The following CHRNA5 variants were observed in gnomAD, a reference collection of about 807,000 sequenced individuals.
CHRNA5 encodes neuronal acetylcholine receptor subunit alpha-5.
A neutral mutation model predicts 41.2 loss-of-function variants in CHRNA5; 28 were observed. The ratio of observed to expected loss-of-function variants is 0.68; its 90% CI spans 0.50 to 0.93. The LOEUF is 0.93. CHRNA5 is among the 40% of genes least tolerant of loss of function. The pLI, the probability that CHRNA5 is intolerant of heterozygous loss-of-function variation, is 0.00. For missense variants in CHRNA5, 481 were observed against 581.9 expected, an observed-to-expected ratio of 0.83 and a Z score of 1.78; for synonymous variants, 188 against 205.8, an observed-to-expected ratio of 0.91 and a Z score of 0.74.
At chr15:78,573,550 C>A (rs976066126) in intron 1 of CHRNA5, among the ~76,000 whole-genome samples, 1 of 152,206 alleles carries the variant, frequency 6.6e-6, no homozygotes, top group Admixed American at 6.5e-5. Flanking sequence ...CAAGATATCA[C>A]GTTAGGCTCT....
In CHRNA5 at chr15:78,583,459, C is replaced by T. The variant is rs190028232; in HGVS notation, c.258+2497C>T. ...CTGTAATCCCAGCACTTTGGGAGGC[C>T]GAGGCAGGTAGATCACAAGGTCAGG... On this transcript the variant is annotated intron_variant, in intron 2 of 5. Transcript: ENST00000299565. 8.0e-4 allele frequency among the ~76,000 whole-genome samples: 122 copies of T among 152,132 alleles called. 1 individual carries two copies. Among genetic ancestry groups the T allele is most frequent in the African/African-American group, 2.7e-3 (111 of 41,508 alleles).
At position 78,568,465 on chromosome 15, in the gene CHRNA5, A is replaced by AT. The variant is rs202037986; in HGVS notation, c.106+2650dup. ...AGCTGTGTGACATTTTATTTTTTTA[A>AT]TTTTTTTTTTAAAATATTACTTTAA... is the stretch of plus-strand genomic sequence containing the variant. On this transcript the variant is annotated intron_variant, in intron 1 of 5. Coordinates refer to ENST00000299565, the Ensembl canonical transcript of CHRNA5. Among the ~76,000 whole-genome samples the AT allele has an allele frequency of 2.0e-4, 26 of 127,550 alleles. No homozygotes were observed. The East Asian group carries it at 3.6e-3, about 18-fold the overall frequency. The allele number at this position is 127,550 out of a possible 152,430, so 83.7% of individuals were successfully genotyped here. A position where few individuals can be genotyped will look rare whatever the true frequency, so the allele number is the denominator to read the frequency against.
chr15:78,589,948 T>G, exon 5 of CHRNA5: 1 of 1,614,202 alleles, frequency 6.2e-7, no homozygotes, highest in South Asian at 1.1e-5. Context: ...AACTGTTCCA[T>G]GAAATTTGGT....
chr15:78,577,162 A>C (rs1305192679), intron 1 of CHRNA5, among the ~76,000 whole-genome samples: 1 of 152,222 alleles, frequency 6.6e-6, no homozygotes, highest in Non-Finnish European at 1.5e-5. Context: ...GGAAGATGTT[A>C]GGGTGATGAG....
chr15:78,579,261 G>C (rs1464931321), intron 1 of CHRNA5, among the ~76,000 whole-genome samples: 1 of 151,452 alleles, frequency 6.6e-6, no homozygotes. Context: ...TTGTTTGTTT[G>C]TTTGTTTTTT....
chr15:78,578,182 T>G (rs764409530), intron 1 of CHRNA5, among the ~76,000 whole-genome samples: 2 of 152,114 alleles, frequency 1.3e-5, no homozygotes, highest in African/African-American at 2.4e-5. Context: ...CCACACAAAC[T>G]CCATAGTATT....
In CHRNA5 at chr15:78,580,279, CAAAA is replaced by C. The variant is rs71148541; in HGVS notation, c.107-512_107-509del. 7.3e-4 allele frequency among the ~76,000 whole-genome samples: 45 copies of C among 61,978 alleles called. 1 individual carries two copies. The highest frequency in any genetic ancestry group is 8.2e-4 in the Non-Finnish European group (27 of 33,012). The allele number at this position is 61,978 out of a possible 152,430, so 40.7% of individuals were successfully genotyped here. A position where few individuals can be genotyped will look rare whatever the true frequency, so the allele number is the denominator to read the frequency against. On this transcript the variant is annotated intron_variant, in intron 1 of 5. Transcript: ENST00000299565. ...TGGGAGACCAGGCAGGACTCCGTCT[CAAAA>C]AAAAAAAAAAAAAAAAAAAGATTAT... is the stretch of plus-strand genomic sequence containing the variant.
At chr15:78,579,372 G>C (rs1255376818) in intron 1 of CHRNA5, among the ~76,000 whole-genome samples, 1 of 152,090 alleles carries the variant, frequency 6.6e-6, no homozygotes, top group Non-Finnish European at 1.5e-5. Flanking sequence ...TCCTGCCTCA[G>C]CCTCCCAAGT....
At chr15:78,591,469 GTA>G (rs984944258) in intron 5 of CHRNA5, among the ~76,000 whole-genome samples, 2 of 151,092 alleles carry the variant, frequency 1.3e-5, no homozygotes, top group Admixed American at 1.3e-4. Flanking sequence ...CTTCTATTGT[GTA>G]TTATTTTAAA....
chr15:78,585,263 AAG>A (rs1286556507), intron 2 of CHRNA5, among the ~76,000 whole-genome samples: 5 of 152,100 alleles, frequency 3.3e-5, no homozygotes, highest in Non-Finnish European at 7.3e-5. Context: ...ACTGCAGTGT[AAG>A]AGAGATGGCC....
In CHRNA5 at chr15:78,590,305, C is replaced by G. The variant is rs745918259; in HGVS notation, c.914C>G (p.Ser305Ter). The stretch of plus-strand genomic sequence containing the variant: ...CTGGTTATTGAAGAGATCATACCAT[C>G]ATCTTCAAAAGTCATACCTCTAATT... Residue 305 changes from serine to a stop codon, truncating the protein, a stop_gained, in exon 5 of 6, where the codon TCA becomes TGA. Coordinates refer to ENST00000299565, the Ensembl canonical transcript of CHRNA5. LOFTEE classifies it high-confidence loss of function. 1.2e-6 allele frequency: 2 copies of G among 1,613,972 alleles called. No individual in the cohort carries two copies. Among genetic ancestry groups the G allele is most frequent in the Non-Finnish European group, 8.5e-7 (1 of 1,179,968 alleles).
chr15:78,584,296 CTTGT>C (rs762131696), intron 2 of CHRNA5, among the ~76,000 whole-genome samples: 8 of 152,056 alleles, frequency 5.3e-5, no homozygotes, highest in South Asian at 2.1e-4. Flanking sequence ...TCATTTTTGG[CTTGT>C]TTGTTTTGAT....
chr15:78,576,148 T>TG (rs1307120089), intron 1 of CHRNA5, among the ~76,000 whole-genome samples: 36 of 152,204 alleles, frequency 2.4e-4, no homozygotes, highest in Non-Finnish European at 3.7e-4. Context: ...TTTGTTTTTT[T>TG]TTTTGTTGTT....
rs1318987637 is a variant in CHRNA5, at chr15:78,593,235, T to G, written c.1389T>G (p.Ile463Met). 5 of 1,610,600 alleles carry G rather than the reference T, an allele frequency of 3.1e-6. No individual in the cohort carries two copies. In the East Asian group the frequency reaches 1.1e-4, roughly 36 times the overall value. The change falls in exon 6 of 6, where the codon ATT becomes ATG. Residue 463 changes from isoleucine (I) to methionine (M), a missense_variant. Physicochemically the swap from Ile to Met is conservative, Grantham distance 10 (BLOSUM62 1). Transcript: ENST00000299565. ...CAAATATATTAATACCAGTTCATAT[T>G]GGAAATGCAAATAAGTGAAGCCTCC...
chr15:78,573,136 A>G (rs1405335473), intron 1 of CHRNA5, among the ~76,000 whole-genome samples: 3 of 152,132 alleles, frequency 2.0e-5, no homozygotes, highest in African/African-American at 7.2e-5. Flanking sequence ...ATGTCTGGAG[A>G]CATGATTGGT....
chr15:78,569,809 T>TTTTTTG (rs757822115), intron 1 of CHRNA5, among the ~76,000 whole-genome samples: 4 of 151,502 alleles, frequency 2.6e-5, no homozygotes, highest in African/African-American at 4.9e-5. Context: ...GTATAGTGTT[T>TTTTTTG]TTTTTGTTTT....
At chr15:78,580,663 GTC>G (rs2052903737) in intron 1 of CHRNA5, 146 bp from the exon 2 acceptor site, 1 of 461,964 alleles carries the variant, frequency 2.2e-6, no homozygotes, top group South Asian at 6.4e-5. Flanking sequence ...TTGAGACAGA[GTC>G]TCTCTCCATG....
chr15:78,574,125 T>C (rs2052833739), intron 1 of CHRNA5, among the ~76,000 whole-genome samples: 1 of 151,378 alleles, frequency 6.6e-6, no homozygotes, highest in Admixed American at 6.6e-5. Flanking sequence ...GAATTGGTTT[T>C]TTAAATCCTC....
At chr15:78,579,984 T>C (rs2052895692) in intron 1 of CHRNA5, among the ~76,000 whole-genome samples, 1 of 152,082 alleles carries the variant, frequency 6.6e-6, no homozygotes, top group Non-Finnish European at 1.5e-5. Flanking sequence ...TATTTTCATA[T>C]TAAGATTATG....
Sources: allele counts gnomAD v4.1 joint callset (sites outside exome capture counted in the v4.1 genomes callset), GRCh38; gene constraint gnomAD v4.1.1; transcripts MANE v1.5; gene names NCBI Gene and HGNC (gene_info 2026-07-23, HGNC 2026-07-21).